SNAP91: variants seen among roughly 807,000 people sequenced by gnomAD.
SNAP91 encodes the protein synaptosome associated protein 91.
Under a neutral mutation model 100.3 loss-of-function variants are expected in SNAP91, and 27 were observed. The observed-to-expected ratio is 0.27, with a 90% CI of 0.20 to 0.37. The LOEUF (loss-of-function observed/expected upper bound fraction) is 0.37, where lower values mean the gene tolerates loss of function less well. Ranked by LOEUF, SNAP91 falls within the 10% of genes least tolerant of loss-of-function variation. The probability of loss-of-function intolerance (pLI) is 1.00; values close to 1 mark genes in which losing one functional copy is unlikely to be tolerated. For synonymous variants in SNAP91, 404 were observed against 398.6 expected (o/e 1.01, Z -0.16); for missense variants, 986 against 1,123.7 (o/e 0.88, Z 1.75).
At chr6:83,682,590 A>G (rs2099005481) in intron 2 of SNAP91, among the ~76,000 whole-genome samples, 1 of 151,340 alleles carries the variant, frequency 6.6e-6, no homozygotes, top group Non-Finnish European at 1.5e-5. Context: ...TTTTTATTTT[A>G]TTATTATTAT....
At chr6:83,647,529 T>C (rs1230111929) in intron 7 of SNAP91, among the ~76,000 whole-genome samples, 1 of 152,184 alleles carries the variant, frequency 6.6e-6, no homozygotes, top group Non-Finnish European at 1.5e-5. Context: ...CATACCTGGG[T>C]AAATCCCCTT....
intron 2 of SNAP91, among the ~76,000 whole-genome samples, chr6:83,671,267 T>C (rs2098781480): frequency 6.6e-6 from 1 of 152,084 alleles, no homozygotes; most frequent in South Asian, 2.1e-4. Context: ...CTTCAAGATA[T>C]GGGGATATTT....
At chr6:83,621,118 T>C (rs918991670) in intron 9 of SNAP91, among the ~76,000 whole-genome samples, 27 of 152,282 alleles carry the variant, frequency 1.8e-4, no homozygotes, top group African/African-American at 6.3e-4. Context: ...GGTACCACCT[T>C]CTACCCTCCA....
rs1399209808 is a variant in SNAP91 at position 83,593,165 on chromosome 6, G to C, written c.1774+17C>G. On this transcript the variant is annotated intron_variant, in intron 19 of 29. Coordinates refer to ENST00000369694, the MANE Select transcript of SNAP91 (RefSeq NM_001242792.2). ...CTAAGAAACTAAAGTGAAAAAAAAG[G>C]GTTGCTTTGGTTTTACCTGTACTAA... 1 of 1,571,012 alleles carries C rather than the reference G, an allele frequency of 6.4e-7. No homozygotes were observed. The highest frequency in any genetic ancestry group is 1.2e-5 in the South Asian group (1 of 85,218).
At chr6:83,558,971 T>G (rs1274324326) in intron 28 of SNAP91, among the ~76,000 whole-genome samples, 2 of 152,206 alleles carry the variant, frequency 1.3e-5, no homozygotes, top group Non-Finnish European at 2.9e-5. Context: ...GTAACATATT[T>G]TGGCATTTTT....
At chr6:83,708,606 C>A (rs1269062124) in intron 1 of SNAP91, 2 of 152,434 alleles carry the variant, frequency 1.3e-5, no homozygotes, top group East Asian at 3.9e-4. Flanking sequence ...GTTCCAAATC[C>A]CTGCCGCAGG....
chr6:83,592,630 T>C, intron 20 of SNAP91, 92 bp from the exon 21 acceptor site: 1 of 1,023,476 alleles, frequency 9.8e-7, no homozygotes, highest in South Asian at 1.4e-5. Flanking sequence ...GATTTCATGG[T>C]TCACTCCAGG....
intron 22 of SNAP91, among the ~76,000 whole-genome samples, chr6:83,586,481 T>A (rs1257361781): frequency 6.6e-6 from 1 of 152,184 alleles, no homozygotes; most frequent in African/African-American, 2.4e-5. Flanking sequence ...TGGAAAAACA[T>A]GGTTGTCCTG....
At position 83,707,880 on chromosome 6, in the gene SNAP91, G is replaced by A. The variant is rs775132474; in HGVS notation, c.48C>T (p.Ser16=). The A allele has an allele frequency of 3.7e-6, 6 of 1,605,118 alleles. No homozygotes were observed. The East Asian group carries it at 1.3e-4, about 36-fold the overall frequency. ...LTDRIAAAQY[S]VTGSAVARAV... The stretch of plus-strand genomic sequence containing the variant: ...CTCTTGCTACAGCAGAGCCTGTAAC[G>A]CTGTACTGAGCGGCGGCGATCCGAT... Residue 16 remains serine (S), a synonymous_variant, in exon 2 of 30, where the codon AGC becomes AGT. Transcript: ENST00000369694.
chr6:83,703,901 G>A (rs1162038671), intron 2 of SNAP91, among the ~76,000 whole-genome samples: 1 of 152,130 alleles, frequency 6.6e-6, no homozygotes, highest in Non-Finnish European at 1.5e-5. Context: ...CTTTAACAAT[G>A]TAGCATATAT....
intron 16 of SNAP91, among the ~76,000 whole-genome samples, chr6:83,599,746 C>T (rs1446092002): frequency 6.6e-6 from 1 of 152,096 alleles, no homozygotes; most frequent in Non-Finnish European, 1.5e-5. Context: ...GATATAGGGG[C>T]ATAAATGAAA....
chr6:83,560,879 T>A lies in SNAP91; in HGVS notation c.2511A>T (p.Gly837=). ...CATCACTCACCATTCCAAATCCTGC[T>A]CCAGGTTGTCCAACCGATGGGGCCC... ...VAGAPSVGQP[G]AGFGMPPAGT... Residue 837 remains glycine (G), a synonymous_variant, in exon 27 of 30, where the codon GGA becomes GGT. Transcript: ENST00000369694. The A allele has an allele frequency of 6.2e-7, 1 of 1,613,808 alleles. No individual in the cohort carries two copies. The highest frequency in any genetic ancestry group is 1.3e-5 in the African/African-American group (1 of 75,028).
Position 83,556,180 on chromosome 6 carries a change from CG to C in SNAP91, c.2696del (p.Ala899GlyfsTer18). 6.4e-7 allele frequency: 1 copy of C among 1,570,798 alleles called. No homozygotes were observed. The highest frequency in any genetic ancestry group is 8.6e-7 in the Non-Finnish European group (1 of 1,157,446). On this transcript the variant is annotated frameshift_variant, in exon 29 of 30. Transcript: ENST00000369694. LOFTEE classifies it high-confidence loss of function. ...PKKPPAKDPLADLNIKDFL is the reference protein window; with the variant it reads ...PKKPPAKDPLXDLNIKDFL Reference sequence around the variant, plus strand: ...ACAAGAAATCCTTGATGTTAAGATCCGCTAATGGGTCCTTTGCTGGAGGTTT... The same window carrying C: ...ACAAGAAATCCTTGATGTTAAGATCCCTAATGGGTCCTTTGCTGGAGGTTT...
At chr6:83,602,356 C>A (rs1293277992) in intron 14 of SNAP91, among the ~76,000 whole-genome samples, 3 of 152,066 alleles carry the variant, frequency 2.0e-5, no homozygotes, top group Non-Finnish European at 4.4e-5. Flanking sequence ...GTACCTATAA[C>A]CCCCAAGAAA....
chr6:83,674,365 C>T (rs902136859), intron 2 of SNAP91, among the ~76,000 whole-genome samples: 1 of 151,996 alleles, frequency 6.6e-6, no homozygotes, highest in Admixed American at 6.6e-5. Context: ...ACCAGGGAGG[C>T]AGAGGTTGCT....
At chr6:83,613,880 G>GA (rs1375256723) in intron 11 of SNAP91, among the ~76,000 whole-genome samples, 2 of 151,974 alleles carry the variant, frequency 1.3e-5, no homozygotes, top group African/African-American at 4.8e-5. Context: ...ATTTCACCTA[G>GA]AAAAATCTAG....
At chr6:83,605,110 T>C (rs1026428074) in intron 14 of SNAP91, among the ~76,000 whole-genome samples, 2 of 152,070 alleles carry the variant, frequency 1.3e-5, no homozygotes, top group African/African-American at 4.8e-5. Flanking sequence ...CTGAGATCCA[T>C]AAATAAAGTG....
At chr6:83,665,651 C>T (rs911815443) in intron 2 of SNAP91, 70 bp from the exon 3 acceptor site, 16 of 1,422,564 alleles carry the variant, frequency 1.1e-5, no homozygotes, top group Admixed American at 2.0e-5. Flanking sequence ...AAACTTGGAA[C>T]ATATAAGCCT....
chr6:83,693,320 A>C (rs2099155363), intron 2 of SNAP91, among the ~76,000 whole-genome samples: 1 of 152,154 alleles, frequency 6.6e-6, no homozygotes, highest in Non-Finnish European at 1.5e-5. Flanking sequence ...AGTCACATAC[A>C]TGGGCCAGGC....
Sources: gnomAD v4.1 joint callset for allele counts (sites outside exome capture counted in the v4.1 genomes callset) on GRCh38, gnomAD v4.1.1 for gene constraint, MANE v1.5 for transcripts, NCBI Gene and HGNC (gene_info 2026-07-23, HGNC 2026-07-21) for gene names.